Variants in RBFOX1 observed in about 807,000 individuals in gnomAD.
The protein encoded by RBFOX1 is RNA binding fox-1 homolog 1.
A neutral mutation model predicts 57.7 loss-of-function variants in RBFOX1; 8 were observed. The ratio of observed to expected loss-of-function variants is 0.14; its 90% CI spans 0.08 to 0.25. The LOEUF (loss-of-function observed/expected upper bound fraction) is 0.25. Among genes scored for constraint, RBFOX1 ranks in the 10% least tolerant of loss-of-function variants. The pLI, the probability that RBFOX1 is intolerant of heterozygous loss-of-function variation, is 1.00. For synonymous variants in RBFOX1, 326 were observed against 222.4 expected (o/e 1.47, Z -4.15); for missense variants, 611 against 548.5 (o/e 1.11, Z -1.14).
intron 3 of RBFOX1, among the ~76,000 whole-genome samples, chr16:6,937,729 G>A (rs2077622129): frequency 6.6e-6 from 1 of 152,142 alleles, no homozygotes; most frequent in Non-Finnish European, 1.5e-5. Flanking sequence ...GAATGTCTGG[G>A]TTAGGATAAG....
intron 2 of RBFOX1, among the ~76,000 whole-genome samples, chr16:6,374,327 AG>A (rs2090889033): frequency 6.6e-6 from 1 of 152,244 alleles, no homozygotes; most frequent in Admixed American, 6.5e-5. Flanking sequence ...TTTTGTGATC[AG>A]GCAATTGAAT....
intron 3 of RBFOX1, among the ~76,000 whole-genome samples, chr16:6,820,394 C>T (rs944023673): frequency 1.2e-4 from 18 of 152,272 alleles, no homozygotes; most frequent in Admixed American, 3.3e-4. Flanking sequence ...AACACAGTGG[C>T]TCCTATAATC....
chr16:6,731,910 G>C (rs1187026765), intron 3 of RBFOX1, among the ~76,000 whole-genome samples: 3 of 152,006 alleles, frequency 2.0e-5, no homozygotes, highest in African/African-American at 7.2e-5. Context: ...ATGTTTTCTT[G>C]CACAGCCAGT....
chr16:7,207,589 A>G (rs189189349), intron 4 of RBFOX1, among the ~76,000 whole-genome samples: 2 of 152,178 alleles, frequency 1.3e-5, no homozygotes, highest in African/African-American at 4.8e-5. Flanking sequence ...AAATAATGAC[A>G]TGGAAACTAT....
At chr16:5,899,613 C>T (rs1265952150) in intron 4 of RBFOX1, among the ~76,000 whole-genome samples, 3 of 152,128 alleles carry the variant, frequency 2.0e-5, no homozygotes, top group Admixed American at 2.0e-4. Context: ...GAGCAAGATT[C>T]TGATGTCGGG....
At chr16:5,900,959 C>G (rs892199284) in intron 4 of RBFOX1, among the ~76,000 whole-genome samples, 2 of 152,212 alleles carry the variant, frequency 1.3e-5, no homozygotes, top group Non-Finnish European at 2.9e-5. Context: ...GTGGCTCTAT[C>G]TCAGAGGTGG....
intron 3 of RBFOX1, among the ~76,000 whole-genome samples, chr16:6,892,399 G>A (rs748526825): frequency 1.8e-4 from 27 of 152,182 alleles, no homozygotes; most frequent in Non-Finnish European, 2.1e-4. Flanking sequence ...ACCAGGCATG[G>A]TGGCTCACAC....
At chr16:7,539,733 A>G (rs2082413910) in intron 5 of RBFOX1, among the ~76,000 whole-genome samples, 2 of 152,222 alleles carry the variant, frequency 1.3e-5, no homozygotes, top group African/African-American at 4.8e-5. Flanking sequence ...AGTGCATGAT[A>G]GCACTGGGCT....
At chr16:6,164,539 C>T (rs1488711182) in intron 1 of RBFOX1, among the ~76,000 whole-genome samples, 3 of 150,862 alleles carry the variant, frequency 2.0e-5, no homozygotes, top group East Asian at 2.0e-4. Context: ...CTATCTCGGC[C>T]CACTGCAACC....
intron 4 of RBFOX1, among the ~76,000 whole-genome samples, chr16:7,160,657 T>C (rs926920442): frequency 6.6e-6 from 1 of 152,210 alleles, no homozygotes; most frequent in Non-Finnish European, 1.5e-5. Flanking sequence ...TTATGTCTTT[T>C]TGAGGCATAA....
chr16:6,893,737 G>A (rs72770629), intron 3 of RBFOX1, among the ~76,000 whole-genome samples: 1 of 152,162 alleles, frequency 6.6e-6, no homozygotes, highest in East Asian at 1.9e-4. Context: ...ATTTTCATTT[G>A]CATTTATCAT....
rs1004242135 is a variant in RBFOX1, at chr16:7,628,523, G to T, written c.677-2080G>T. Among the ~76,000 whole-genome samples, 3 of 152,226 alleles carry T rather than the reference G, an allele frequency of 2.0e-5. No homozygotes were observed. In the East Asian group the frequency reaches 5.8e-4, roughly 30 times the overall value. ...CCCAATCTCCATTCTTTGGAGTTTG[G>T]TTTGTTTGCTGTTAATCCCCAGTGA... is the stretch of plus-strand genomic sequence containing the variant. On this transcript the variant is annotated intron_variant, in intron 10 of 15. Coordinates refer to ENST00000550418, the MANE Select transcript of RBFOX1 (RefSeq NM_018723.4).
chr16:7,264,851 C>A (rs1176677088), intron 4 of RBFOX1, among the ~76,000 whole-genome samples: 1 of 152,150 alleles, frequency 6.6e-6, no homozygotes, highest in East Asian at 1.9e-4. Flanking sequence ...GATGAGAAAG[C>A]ATAGAAAAAA....
intron 11 of RBFOX1, among the ~76,000 whole-genome samples, chr16:7,635,508 C>G (rs1031208281): frequency 6.6e-6 from 1 of 151,944 alleles, no homozygotes; most frequent in Admixed American, 6.6e-5. Context: ...GTGTGGACGC[C>G]CAGTATCTTT....
intron 4 of RBFOX1, among the ~76,000 whole-genome samples, chr16:7,158,841 GTA>G (rs938055187): frequency 5.3e-5 from 8 of 151,714 alleles, no homozygotes; most frequent in East Asian, 1.9e-4. Context: ...TGTTTGTATG[GTA>G]TGTGTGTGTG....
chr16:7,139,291 G>C (rs2072993376), intron 4 of RBFOX1, among the ~76,000 whole-genome samples: 1 of 151,650 alleles, frequency 6.6e-6, no homozygotes, highest in African/African-American at 2.4e-5. Context: ...TCCCCATGCA[G>C]AACATCCAAC....
intron 3 of RBFOX1, among the ~76,000 whole-genome samples, chr16:6,856,594 A>C (rs990258361): frequency 6.6e-5 from 10 of 152,172 alleles, no homozygotes; most frequent in African/African-American, 1.9e-4. Context: ...CCTTCAGGCC[A>C]CCGTGGAATT....
At chr16:7,618,048 C>G (rs2058739810) in intron 10 of RBFOX1, among the ~76,000 whole-genome samples, 3 of 151,994 alleles carry the variant, frequency 2.0e-5, no homozygotes, top group African/African-American at 7.3e-5. Flanking sequence ...CTGATACCTA[C>G]TGATGGGAAT....
At chr16:7,113,367 G>C (rs1055553274) in intron 4 of RBFOX1, among the ~76,000 whole-genome samples, 1 of 151,962 alleles carries the variant, frequency 6.6e-6, no homozygotes, top group African/African-American at 2.4e-5. Context: ...AAGTCTTTCC[G>C]CAGTAAAGAT....
Sources: gnomAD v4.1 joint callset for allele counts (sites outside exome capture counted in the v4.1 genomes callset) on GRCh38, gnomAD v4.1.1 for gene constraint, MANE v1.5 for transcripts, NCBI Gene and HGNC (gene_info 2026-07-23, HGNC 2026-07-21) for gene names.